Variants in MCTP1 observed in about 807,000 individuals in gnomAD.
The protein encoded by MCTP1 is multiple C2 and transmembrane domain-containing protein 1.
Under a neutral mutation model 120.6 loss-of-function variants are expected in MCTP1, and 69 were observed. The observed-to-expected ratio is 0.57, with a 90% confidence interval of 0.47 to 0.70. The LOEUF (loss-of-function observed/expected upper bound fraction) is 0.70. MCTP1 is among the 30% of genes least tolerant of loss of function. MCTP1 has a pLI of 0.00. For missense variants in MCTP1, 1,203 were observed against 1,248.8 expected (o/e 0.96, Z 0.55); for synonymous variants, 529 against 493.1 (o/e 1.07, Z -0.96).
chr5:94,934,355 C>T (rs1225426262), intron 5 of MCTP1, among the ~76,000 whole-genome samples: 1 of 151,672 alleles, frequency 6.6e-6, no homozygotes, highest in Non-Finnish European at 1.5e-5. Context: ...AGCTGAGAAA[C>T]ATATGAATTA....
chr5:95,123,080 T>TA (rs2152411360), intron 1 of MCTP1, among the ~76,000 whole-genome samples: 1 of 152,248 alleles, frequency 6.6e-6, no homozygotes, highest in South Asian at 2.1e-4. Flanking sequence ...GTGACTACAG[T>TA]AAAAAATAAT....
At chr5:94,868,304 A>G (rs1445130796) in intron 17 of MCTP1, 29 bp downstream of exon 17, 3 of 1,542,966 alleles carry the variant, frequency 1.9e-6, no homozygotes, top group Non-Finnish European at 2.6e-6. Flanking sequence ...TTAATGAATA[A>G]CAATGTAAGT....
At chr5:94,992,772 GCCCC>G (rs1296735628) in intron 2 of MCTP1, among the ~76,000 whole-genome samples, 7 of 113,250 alleles carry the variant, frequency 6.2e-5, no homozygotes, top group Non-Finnish European at 1.1e-4. Flanking sequence ...CCCTGTGTTG[GCCCC>G]CATCCCTTCC....
intron 1 of MCTP1, among the ~76,000 whole-genome samples, chr5:95,235,297 TA>T (rs1485146302): frequency 6.6e-6 from 1 of 151,464 alleles, no homozygotes; most frequent in African/African-American, 2.4e-5. Context: ...ACCAAACAAA[TA>T]ATAAAAAGAA....
intron 1 of MCTP1, among the ~76,000 whole-genome samples, chr5:95,221,905 G>A (rs187776493): frequency 2.6e-5 from 4 of 152,220 alleles, no homozygotes; most frequent in African/African-American, 4.8e-5. Context: ...AGAACATACC[G>A]TCAAACTTTA....
chr5:95,220,814 C>T (rs1281548740), intron 1 of MCTP1, among the ~76,000 whole-genome samples: 1 of 152,182 alleles, frequency 6.6e-6, no homozygotes, highest in Non-Finnish European at 1.5e-5. Context: ...ACAGTAACTC[C>T]TACAAATATA....
At chr5:95,178,636 C>T (rs1748283058) in intron 1 of MCTP1, among the ~76,000 whole-genome samples, 1 of 152,160 alleles carries the variant, frequency 6.6e-6, no homozygotes, top group South Asian at 2.1e-4. Flanking sequence ...GAGAACACCA[C>T]ATCAAAGGAG....
At chr5:95,283,521 T>C (rs1760486391) in intron 1 of MCTP1, among the ~76,000 whole-genome samples, 1 of 152,246 alleles carries the variant, frequency 6.6e-6, no homozygotes, top group Non-Finnish European at 1.5e-5. Flanking sequence ...GGGTTAGTTT[T>C]TTCTTTTGCC....
chr5:94,784,901 C>G (rs1207228343), intron 18 of MCTP1: 3 of 151,974 alleles, frequency 2.0e-5, no homozygotes. Flanking sequence ...ATTTCCTTGG[C>G]TCATTCTGGG....
At chr5:95,168,851 A>C (rs1684611746) in intron 1 of MCTP1, among the ~76,000 whole-genome samples, 1 of 152,172 alleles carries the variant, frequency 6.6e-6, no homozygotes, top group African/African-American at 2.4e-5. Flanking sequence ...AAACAGGGAC[A>C]ATTTGACTTC....
At chr5:94,819,146 C>CATTT (rs1295917899) in intron 17 of MCTP1, among the ~76,000 whole-genome samples, 60 of 149,920 alleles carry the variant, frequency 4.0e-4, no homozygotes, top group South Asian at 1.1e-3. Context: ...TTCATTCATT[C>CATTT]GAGATGGAGT....
At chr5:94,870,639 A>G (rs1797668015) in intron 15 of MCTP1, 148 bp from the exon 16 acceptor site, 2 of 690,664 alleles carry the variant, frequency 2.9e-6, no homozygotes, top group Admixed American at 5.1e-5. Flanking sequence ...TTGCACATGC[A>G]TGCGCTTCCC....
intron 1 of MCTP1, among the ~76,000 whole-genome samples, chr5:95,152,988 T>C (rs1294370692): frequency 6.6e-6 from 1 of 152,182 alleles, no homozygotes; most frequent in Non-Finnish European, 1.5e-5. Flanking sequence ...AAACCATCAC[T>C]TCCATTGACC....
intron 17 of MCTP1, among the ~76,000 whole-genome samples, chr5:94,811,708 T>A (rs1203934036): frequency 1.3e-5 from 2 of 152,188 alleles, no homozygotes; most frequent in Non-Finnish European, 1.5e-5. Flanking sequence ...GCAAAACAGA[T>A]GAGCGCATTG....
intron 19 of MCTP1, among the ~76,000 whole-genome samples, chr5:94,760,305 A>G (rs166241): frequency 0.25 from 37,904 of 152,084 alleles, 5,405 homozygotes; most frequent in East Asian, 0.38. Context: ...TCAATGGGAA[A>G]AAAAGAACTT....
intron 2 of MCTP1, among the ~76,000 whole-genome samples, chr5:94,990,004 A>G (rs181479536): frequency 6.6e-6 from 1 of 152,222 alleles, no homozygotes; most frequent in Non-Finnish European, 1.5e-5. Flanking sequence ...TAAACCAGTA[A>G]CAGCATGTAA....
At chr5:95,103,321 A>T (rs1417458652) in intron 1 of MCTP1, among the ~76,000 whole-genome samples, 1 of 151,760 alleles carries the variant, frequency 6.6e-6, no homozygotes, top group Admixed American at 6.6e-5. Context: ...GAAATTATAT[A>T]TTTTTTTTAA....
chr5:94,875,317 G>A (rs745553457), intron 12 of MCTP1, among the ~76,000 whole-genome samples: 1 of 152,132 alleles, frequency 6.6e-6, no homozygotes, highest in Non-Finnish European at 1.5e-5. Context: ...AGAAGTGGCT[G>A]TGCCAGGCAT....
intron 1 of MCTP1, among the ~76,000 whole-genome samples, chr5:95,173,644 A>G (rs138161962): frequency 2.6e-5 from 4 of 152,324 alleles, no homozygotes; most frequent in African/African-American, 9.6e-5. Flanking sequence ...GCAATTTACC[A>G]GAGTATATAT....
Sources: gnomAD v4.1 joint callset for allele counts (sites outside exome capture counted in the v4.1 genomes callset) on GRCh38, gnomAD v4.1.1 for gene constraint, MANE v1.5 for transcripts, NCBI Gene and HGNC (gene_info 2026-07-23, HGNC 2026-07-21) for gene names.